The following CCDC68 variants were observed in gnomAD, a reference collection of about 807,000 sequenced individuals.
CCDC68 encodes the protein coiled-coil domain containing 68, also known as coiled-coil domain-containing protein 68.
CCDC68 carries 45 observed loss-of-function variants against 47.1 expected under a neutral mutation model. The ratio of observed to expected loss-of-function variants is 0.96; its 90% CI spans 0.75 to 1.23. The LOEUF (loss-of-function observed/expected upper bound fraction) is 1.23, where lower values mean the gene tolerates loss of function less well. CCDC68 is among the 50% of genes most tolerant of loss of function. The pLI is 0.00. For missense variants in CCDC68, 353 were observed against 373.6 expected (o/e 0.94, Z 0.45); for synonymous variants, 131 against 129.5 (o/e 1.01, Z -0.08).
intron 10 of CCDC68, among the ~76,000 whole-genome samples, chr18:54,915,365 G>A (rs1462882753): frequency 6.6e-6 from 1 of 152,156 alleles, no homozygotes; most frequent in African/African-American, 2.4e-5. Flanking sequence ...ATTAAGTGTA[G>A]AAGTAATTAC....
chr18:54,904,241 T>A lies in CCDC68; in HGVS notation c.*117A>T. ...ATCTTCTTGCAAAGCCATTGGTATG[T>A]AATAAGTTCCATTTAAATAATGGCA... is the stretch of plus-strand genomic sequence containing the variant. On this transcript the variant is annotated 3_prime_UTR_variant, in exon 12 of 12. Transcript: ENST00000591504. The A allele has an allele frequency of 1.3e-6, 1 of 758,656 alleles. No individual in the cohort carries two copies. Among genetic ancestry groups the A allele is most frequent in the Non-Finnish European group, 2.3e-6 (1 of 438,968 alleles). 47.0% of individuals were successfully genotyped at this position (758,656 alleles called of 1,614,324 possible).
intron 1 of CCDC68, among the ~76,000 whole-genome samples, chr18:54,954,928 ACATT>A (rs1486643871): frequency 1.3e-5 from 2 of 152,186 alleles, no homozygotes; most frequent in Non-Finnish European, 2.9e-5. Context: ...GCAAATGAAG[ACATT>A]CAGCTTTGGA....
At chr18:54,928,751 C>T (rs1227135034) in intron 8 of CCDC68, 49 bp downstream of exon 8, 2 of 1,203,516 alleles carry the variant, frequency 1.7e-6, no homozygotes, top group African/African-American at 3.0e-5. Flanking sequence ...TACCAGTGGA[C>T]AGGAAAGAAA....
chr18:54,953,007 T>A (rs2044644301), intron 1 of CCDC68, among the ~76,000 whole-genome samples: 1 of 151,270 alleles, frequency 6.6e-6, no homozygotes, highest in African/African-American at 2.4e-5. Context: ...AGTGAGACTC[T>A]GTTTCAAAAA....
chr18:54,938,416 C>T (rs1295457344), intron 4 of CCDC68, among the ~76,000 whole-genome samples: 1 of 152,118 alleles, frequency 6.6e-6, no homozygotes, highest in Admixed American at 6.5e-5. Context: ...TTTTAAAAAT[C>T]TAAGTTGTGG....
At chr18:54,944,210 C>T (rs1251541829) in intron 2 of CCDC68, among the ~76,000 whole-genome samples, 1 of 151,888 alleles carries the variant, frequency 6.6e-6, no homozygotes, top group Non-Finnish European at 1.5e-5. Context: ...CATATCCTAC[C>T]AAAAAGGAAA....
chr18:54,947,712 C>T (rs1328743647), intron 1 of CCDC68, among the ~76,000 whole-genome samples: 1 of 152,178 alleles, frequency 6.6e-6, no homozygotes, highest in Non-Finnish European at 1.5e-5. Context: ...TATGAAACCA[C>T]TATCCACAAT....
At chr18:54,953,784 G>T (rs2145658642) in intron 1 of CCDC68, among the ~76,000 whole-genome samples, 1 of 152,236 alleles carries the variant, frequency 6.6e-6, no homozygotes, top group South Asian at 2.1e-4. Context: ...AGAAATATAA[G>T]AATATTTCCA....
chr18:54,907,747 A>C (rs1568130192), intron 11 of CCDC68, 39 bp downstream of exon 11: 1 of 1,106,588 alleles, frequency 9.0e-7, no homozygotes, highest in Non-Finnish European at 1.4e-6. Context: ...TGTTCAACAT[A>C]GGTTGTGAAG....
In CCDC68 at chr18:54,902,367, C is replaced by T. The variant is rs1287338370; in HGVS notation, c.*1991G>A. ...TCCAAAATCTGAAATTTATTACAATCCAGCATGATGAATGAGGTATAAAAG... is the reference window on the plus strand; with the variant it reads ...TCCAAAATCTGAAATTTATTACAATTCAGCATGATGAATGAGGTATAAAAG... On this transcript the variant is annotated 3_prime_UTR_variant, in exon 12 of 12. Transcript: ENST00000591504. 6.6e-6 allele frequency: 1 copy of T among 152,150 alleles called. No homozygotes were observed. The highest frequency in any genetic ancestry group is 1.5e-5 in the Non-Finnish European group (1 of 68,022). The allele number at this position is 152,150 out of a possible 1,614,324, so 9.4% of individuals were successfully genotyped here.
At chr18:54,926,053 C>A (rs569877997) in intron 8 of CCDC68, among the ~76,000 whole-genome samples, 2 of 152,316 alleles carry the variant, frequency 1.3e-5, no homozygotes, top group African/African-American at 4.8e-5. Flanking sequence ...ATTTAAGTGG[C>A]AACCATATGC....
At chr18:54,915,200 C>T (rs1049854524) in intron 10 of CCDC68, among the ~76,000 whole-genome samples, 5 of 152,338 alleles carry the variant, frequency 3.3e-5, no homozygotes, top group Non-Finnish European at 7.3e-5. Context: ...GGCTGATTCG[C>T]TGTTGGAACA....
At chr18:54,940,840 G>C (rs753419036) in intron 4 of CCDC68, among the ~76,000 whole-genome samples, 157 bp downstream of exon 4, 2 of 152,136 alleles carry the variant, frequency 1.3e-5, no homozygotes, top group Non-Finnish European at 2.9e-5. Flanking sequence ...AACATTTGTG[G>C]TTAAACATTT....
chr18:54,944,548 G>T (rs979604375), intron 2 of CCDC68, among the ~76,000 whole-genome samples: 1 of 151,986 alleles, frequency 6.6e-6, no homozygotes. Context: ...AGAAAAACCC[G>T]CAACAACCAC....
chr18:54,904,839 G>GT (rs1476668672), intron 11 of CCDC68, among the ~76,000 whole-genome samples: 1 of 152,136 alleles, frequency 6.6e-6, no homozygotes, highest in Non-Finnish European at 1.5e-5. Flanking sequence ...ATTTAAAACT[G>GT]TAAGTATGTG....
Position 54,928,800 on chromosome 18 carries a change from C to T in CCDC68, c.683G>A (p.Ser228Asn), listed in dbSNP as rs746432150. ...TTACTTAACAGGTAGCTTCACAAAC[C>T]TTTTTCCATATGTAGCACTGGATTT... ...QLKSSATYGK[S>N]CQDLQREISI... Residue 228 changes from serine to asparagine, a missense_variant and splice_region_variant, in exon 8 of 12, where the codon AGT (serine) becomes AAT (asparagine). Coordinates refer to ENST00000591504, the MANE Select transcript of CCDC68 (RefSeq NM_025214.3). The T allele has an allele frequency of 2.9e-5, 47 of 1,606,324 alleles. No individual in the cohort carries two copies. Among genetic ancestry groups the T allele is most frequent in the South Asian group, 2.4e-4 (22 of 90,802 alleles).
rs1312917845 is a variant in CCDC68, at chr18:54,902,740, T to G, written c.*1618A>C. ...ATTAAAGTGGCAAAAATAGAGAGAT[T>G]TCTATAGCTGGGAAATTTCTTAGAC... On this transcript the variant is annotated 3_prime_UTR_variant, in exon 12 of 12. Transcript: ENST00000591504. The G allele has an allele frequency of 1.3e-5, 2 of 152,136 alleles. No homozygotes were observed. Among genetic ancestry groups the G allele is most frequent in the Non-Finnish European group, 2.9e-5 (2 of 68,036 alleles). 9.4% of individuals were successfully genotyped at this position (152,136 alleles called of 1,614,324 possible).
chr18:54,956,540 C>T (rs2044716049), intron 1 of CCDC68, among the ~76,000 whole-genome samples: 1 of 152,150 alleles, frequency 6.6e-6, no homozygotes, highest in Non-Finnish European at 1.5e-5. Context: ...GAACAAAATG[C>T]GGCATAGCCA....
At chr18:54,919,728 T>C (rs1001544691) in intron 8 of CCDC68, among the ~76,000 whole-genome samples, 2 of 152,204 alleles carry the variant, frequency 1.3e-5, no homozygotes, top group African/African-American at 4.8e-5. Context: ...CCCATCAAAC[T>C]TCACAGACAA....
Sources: allele counts gnomAD v4.1 joint callset (sites outside exome capture counted in the v4.1 genomes callset), GRCh38; gene constraint gnomAD v4.1.1; transcripts MANE v1.5; gene names NCBI Gene and HGNC (gene_info 2026-07-23, HGNC 2026-07-21).